The following PRKAR1B variants were observed in gnomAD, a reference collection of about 807,000 sequenced individuals.
The protein encoded by PRKAR1B is cAMP-dependent protein kinase type I-beta regulatory subunit.
In PRKAR1B, 22 loss-of-function variants were observed where a neutral mutation model predicts 46.5. The ratio of observed to expected loss-of-function variants is 0.47; its 90% CI spans 0.34 to 0.68. PRKAR1B has a LOEUF of 0.68. PRKAR1B is among the 30% of genes least tolerant of loss of function. PRKAR1B has a pLI of 0.01. For synonymous variants in PRKAR1B, 259 were observed against 217.7 expected, an observed-to-expected ratio of 1.19 and a Z score of -1.67; for missense variants, 445 against 535.6, an observed-to-expected ratio of 0.83 and a Z score of 1.67.
Position 549,749 on chromosome 7 carries a change from C to G in PRKAR1B, c.*681G>C, listed in dbSNP as rs561383120. ...CCCTACTGGGGTCTACCTGCGGCCG[C>G]GGCCCTGGCTCCCAAGGCAGGAGCC... On this transcript the variant is annotated 3_prime_UTR_variant, in exon 11 of 11. Coordinates refer to ENST00000537384, the MANE Select transcript of PRKAR1B (RefSeq NM_001164760.2). The G allele has an allele frequency of 1.3e-5, 2 of 152,368 alleles. No homozygotes were observed. Among genetic ancestry groups the G allele is most frequent in the African/African-American group, 4.8e-5 (2 of 41,454 alleles). 9.4% of individuals were successfully genotyped at this position (152,368 alleles called of 1,614,324 possible).
chr7:649,558 GC>G (rs1240485655), intron 4 of PRKAR1B, among the ~76,000 whole-genome samples: 1 of 151,598 alleles, frequency 6.6e-6, no homozygotes, highest in South Asian at 2.1e-4. Flanking sequence ...TATATGTAGC[GC>G]CTTATTTATT....
intron 1 of PRKAR1B, among the ~76,000 whole-genome samples, chr7:715,166 A>C (rs1780829588): frequency 6.6e-6 from 1 of 152,178 alleles, no homozygotes; most frequent in African/African-American, 2.4e-5. Flanking sequence ...AGAGCGAACG[A>C]AACTCCGTCT....
intron 2 of PRKAR1B, among the ~76,000 whole-genome samples, chr7:690,743 G>C (rs1241492833): frequency 6.6e-6 from 1 of 152,202 alleles, no homozygotes; most frequent in African/African-American, 2.4e-5. Flanking sequence ...CCTCAGGAAG[G>C]GGCTGGTGCT....
chr7:574,302 G>C (rs1429398805), intron 9 of PRKAR1B, among the ~76,000 whole-genome samples: 2 of 152,258 alleles, frequency 1.3e-5, no homozygotes, highest in African/African-American at 2.4e-5. Flanking sequence ...GCCGAGAGCA[G>C]GGCAGGGCAG....
At chr7:723,093 C>T (rs541393279) in intron 1 of PRKAR1B, among the ~76,000 whole-genome samples, 36 of 152,286 alleles carry the variant, frequency 2.4e-4, no homozygotes, top group African/African-American at 8.4e-4. Context: ...TGTGTCAGGA[C>T]AGAACATGCT....
intron 4 of PRKAR1B, among the ~76,000 whole-genome samples, chr7:660,552 C>G (rs1291117919): frequency 2.7e-5 from 3 of 110,298 alleles, no homozygotes; most frequent in Non-Finnish European, 3.8e-5. Context: ...CCCAACGGGT[C>G]CAAATACCTA....
At chr7:555,862 G>A (rs1244528751) in intron 9 of PRKAR1B, among the ~76,000 whole-genome samples, 2 of 152,204 alleles carry the variant, frequency 1.3e-5, no homozygotes, top group Non-Finnish European at 2.9e-5. Flanking sequence ...GAGGGGTGCT[G>A]CGAATTGGCA....
chr7:723,142 T>A (rs1316875353), intron 1 of PRKAR1B, among the ~76,000 whole-genome samples: 1 of 152,166 alleles, frequency 6.6e-6, no homozygotes, highest in African/African-American at 2.4e-5. Context: ...GAAGGGCAGA[T>A]TTCAGGCTCC....
chr7:603,746 T>G (rs868088401), intron 6 of PRKAR1B, among the ~76,000 whole-genome samples: 496 of 11,332 alleles, frequency 0.044, no homozygotes, highest in Non-Finnish European at 0.055. Flanking sequence ...GTGGAGAGGG[T>G]GGGGGAGGAG....
At chr7:649,929 C>G (rs1274809441) in intron 4 of PRKAR1B, among the ~76,000 whole-genome samples, 1 of 151,890 alleles carries the variant, frequency 6.6e-6, no homozygotes, top group Non-Finnish European at 1.5e-5. Flanking sequence ...TTCACGTGAT[C>G]CTCCTGCCTC....
intron 4 of PRKAR1B, among the ~76,000 whole-genome samples, chr7:635,186 G>A (rs1046776022): frequency 1.3e-5 from 2 of 152,212 alleles, no homozygotes; most frequent in African/African-American, 4.8e-5. Context: ...CAGCTTCTCT[G>A]GAAAAATCAA....
At chr7:654,792 C>T (rs112456486) in intron 4 of PRKAR1B, among the ~76,000 whole-genome samples, 2,832 of 152,188 alleles carry the variant, frequency 0.019, 95 homozygotes, top group African/African-American at 0.065. Flanking sequence ...ATCACCATCA[C>T]TATCACCATT....
intron 1 of PRKAR1B, among the ~76,000 whole-genome samples, chr7:718,759 T>A (rs563622239): frequency 9.2e-5 from 14 of 152,218 alleles, no homozygotes; most frequent in African/African-American, 3.4e-4. Flanking sequence ...TCAACAGATA[T>A]TAGCATTGTT....
At chr7:551,524 A>G in intron 9 of PRKAR1B, 54 bp from the exon 10 acceptor site, 1 of 1,524,146 alleles carries the variant, frequency 6.6e-7, no homozygotes, top group Admixed American at 2.0e-5. Flanking sequence ...GCAGGGTGGG[A>G]CACACGTGAG....
At chr7:564,368 A>C (rs111397261) in intron 9 of PRKAR1B, among the ~76,000 whole-genome samples, 13 of 151,260 alleles carry the variant, frequency 8.6e-5, no homozygotes, top group African/African-American at 3.2e-4. Context: ...GCCAGCCTCA[A>C]CCTCCGCCCT....
intron 4 of PRKAR1B, among the ~76,000 whole-genome samples, chr7:634,148 C>G (rs907717520): frequency 3.9e-5 from 6 of 151,956 alleles, no homozygotes; most frequent in African/African-American, 1.4e-4. Flanking sequence ...TCAGCCTCCC[C>G]AGTAGCTAGG....
At position 579,383 on chromosome 7, in the gene PRKAR1B, G is replaced by C; in HGVS notation, c.770-6C>G. On this transcript the variant is annotated splice_region_variant and splice_polypyrimidine_tract_variant and intron_variant, in intron 8 of 10. Coordinates refer to ENST00000537384, the MANE Select transcript of PRKAR1B (RefSeq NM_001164760.2). ...CTCCCACTTCTCCAGGGACTCTGTC[G>C]GGGGAGGATGAGGACAGGTCATCCC... is the stretch of plus-strand genomic sequence containing the variant. The C allele has an allele frequency of 6.2e-7, 1 of 1,612,974 alleles. No homozygotes were observed. The highest frequency in any genetic ancestry group is 8.5e-7 in the Non-Finnish European group (1 of 1,179,962).
At chr7:634,011 A>G (rs2128480738) in intron 4 of PRKAR1B, among the ~76,000 whole-genome samples, 1 of 152,212 alleles carries the variant, frequency 6.6e-6, no homozygotes, top group Non-Finnish European at 1.5e-5. Context: ...CCCCATCTGT[A>G]CAAGAAAAAA....
chr7:605,761 G>T (rs886980511), intron 6 of PRKAR1B, among the ~76,000 whole-genome samples: 2 of 152,162 alleles, frequency 1.3e-5, no homozygotes, highest in African/African-American at 4.8e-5. Context: ...GCCGTTGTTT[G>T]ATCGTGAAGT....
Sources: allele counts gnomAD v4.1 joint callset (sites outside exome capture counted in the v4.1 genomes callset), GRCh38; gene constraint gnomAD v4.1.1; transcripts MANE v1.5; gene names NCBI Gene and HGNC (gene_info 2026-07-23, HGNC 2026-07-21).